HSPA4: variants seen among roughly 807,000 people sequenced by gnomAD.
HSPA4 encodes the protein heat shock protein family A (Hsp70) member 4, also known as heat shock 70 kDa protein 4.
A neutral mutation model predicts 106.2 loss-of-function variants in HSPA4; 25 were observed. The observed-to-expected ratio is 0.24, with a 90% CI of 0.17 to 0.33. HSPA4 has a LOEUF of 0.33. Among genes scored for constraint, HSPA4 ranks in the 10% least tolerant of loss-of-function variants. The probability of loss-of-function intolerance (pLI) is 1.00; values close to 1 mark genes in which losing one functional copy is unlikely to be tolerated. For synonymous variants in HSPA4, 332 were observed against 333.6 expected (o/e 1.00, Z 0.05); for missense variants, 841 against 996.0 (o/e 0.84, Z 2.10).
At chr5:133,102,955 C>G (rs1765807197) in intron 17 of HSPA4, among the ~76,000 whole-genome samples, 1 of 140,826 alleles carries the variant, frequency 7.1e-6, no homozygotes, top group African/African-American at 2.7e-5. Flanking sequence ...CCATGTTACC[C>G]AGGCTGGTCT....
intron 11 of HSPA4, 27 bp downstream of exon 11, chr5:133,089,722 A>AC: frequency 2.3e-5 from 33 of 1,463,158 alleles, no homozygotes; most frequent in Middle Eastern, 1.8e-4. Flanking sequence ...AAATTAAAAA[A>AC]GAAAAAAAAA....
At chr5:133,090,106 ATTCAG>A (rs1765627178) in intron 11 of HSPA4, among the ~76,000 whole-genome samples, 1 of 152,182 alleles carries the variant, frequency 6.6e-6, no homozygotes, top group African/African-American at 2.4e-5. Flanking sequence ...AGTTAACGAA[ATTCAG>A]TTTGGACCCT....
At chr5:133,059,447 CAAA>C (rs539958401) in intron 1 of HSPA4, among the ~76,000 whole-genome samples, 4 of 125,968 alleles carry the variant, frequency 3.2e-5, no homozygotes, top group East Asian at 2.2e-4. Context: ...GACTTTGTCT[CAAA>C]AAAAAAAAAA....
intron 17 of HSPA4, among the ~76,000 whole-genome samples, chr5:133,103,603 G>A (rs112214821): frequency 1.3e-5 from 2 of 151,922 alleles, no homozygotes; most frequent in Non-Finnish European, 2.9e-5. Context: ...TGTATAAATC[G>A]GGTGCTGCTG....
At chr5:133,064,476 T>G (rs1459519823) in intron 1 of HSPA4, among the ~76,000 whole-genome samples, 1 of 151,910 alleles carries the variant, frequency 6.6e-6, no homozygotes, top group African/African-American at 2.4e-5. Context: ...ACTGCAGTCC[T>G]GCCTAGGCAA....
rs1255174247 is a variant in HSPA4 at position 133,104,687 on chromosome 5, T to A, written c.*251T>A. On this transcript the variant is annotated 3_prime_UTR_variant, in exon 19 of 19. Coordinates refer to ENST00000304858, the MANE Select transcript of HSPA4 (RefSeq NM_002154.4). ...CCAGTTAGTCTTACTGAGCTTATGC[T>A]TCACTCCTTTATGTTTAACCATGTG... The A allele has an allele frequency of 4.5e-6, 2 of 443,852 alleles. No homozygotes were observed. The highest frequency in any genetic ancestry group is 4.0e-5 in the African/African-American group (2 of 50,068). 27.5% of individuals were successfully genotyped at this position (443,852 alleles called of 1,614,324 possible).
chr5:133,063,380 A>G (rs994193318), intron 1 of HSPA4, among the ~76,000 whole-genome samples: 25 of 151,970 alleles, frequency 1.6e-4, no homozygotes, highest in African/African-American at 5.1e-4. Flanking sequence ...TGGCCTCCCA[A>G]AACGTTGGGA....
intron 15 of HSPA4, among the ~76,000 whole-genome samples, chr5:133,098,390 C>T (rs1401734356): frequency 1.3e-5 from 2 of 152,284 alleles, no homozygotes; most frequent in East Asian, 3.9e-4. Context: ...TGGCTCACTG[C>T]AGGCTCTGCC....
intron 4 of HSPA4, among the ~76,000 whole-genome samples, chr5:133,072,632 C>T (rs1354693351): frequency 6.7e-6 from 1 of 149,636 alleles, no homozygotes; most frequent in South Asian, 2.1e-4. Context: ...GTCTCAAACT[C>T]GTGACATCAG....
intron 7 of HSPA4, among the ~76,000 whole-genome samples, chr5:133,081,294 C>A (rs757125829): frequency 4.6e-5 from 7 of 152,184 alleles, no homozygotes; most frequent in South Asian, 4.1e-4. Flanking sequence ...GTCATCCACC[C>A]GCCTCTGCCT....
chr5:133,074,175 T>G (rs62375235), intron 6 of HSPA4, 49 bp downstream of exon 6: 290,331 of 1,290,102 alleles, frequency 0.23, 34,099 homozygotes, highest in South Asian at 0.26. Flanking sequence ...ATGGTAATTA[T>G]GAAATTTTGA....
chr5:133,090,459 TG>T (rs1765633309), intron 11 of HSPA4, among the ~76,000 whole-genome samples: 1 of 135,262 alleles, frequency 7.4e-6, no homozygotes, highest in Non-Finnish European at 1.6e-5. Context: ...AAAAAAAGGA[TG>T]TATATAGAAA....
intron 12 of HSPA4, among the ~76,000 whole-genome samples, 180 bp from the exon 13 acceptor site, chr5:133,092,520 C>T (rs1379283831): frequency 2.0e-5 from 3 of 152,146 alleles, no homozygotes; most frequent in South Asian, 2.1e-4. Context: ...GATGTATTAA[C>T]TAAGATCCAG....
rs984672689 is a variant in HSPA4, at chr5:133,091,157, A to G, written c.1379-36A>G. ...TATTCATGCTTGAATTCATCCTCTT[A>G]GGTTATGTGTTCTTTTGTCTCTCGT... On this transcript the variant is annotated intron_variant, in intron 11 of 18. Transcript: ENST00000304858. 3.3e-6 allele frequency: 5 copies of G among 1,510,238 alleles called. No individual in the cohort carries two copies. In the Admixed American group the frequency reaches 6.7e-5, roughly 20 times the overall value. 93.6% of individuals were successfully genotyped at this position (1,510,238 alleles called of 1,614,324 possible).
At chr5:133,089,500 C>A in intron 10 of HSPA4, 62 bp from the exon 11 acceptor site, 4 of 1,477,922 alleles carry the variant, frequency 2.7e-6, no homozygotes, top group Non-Finnish European at 3.7e-6. Context: ...AAACCTAGAA[C>A]ACATGGGTAA....
At chr5:133,074,283 CT>C (rs200933492) in intron 6 of HSPA4, among the ~76,000 whole-genome samples, 157 bp downstream of exon 6, 37,219 of 143,520 alleles carry the variant, frequency 0.26, 4,779 homozygotes, top group African/African-American at 0.3. Flanking sequence ...TTTTTTTTCT[CT>C]TTTTTTTTTT....
intron 13 of HSPA4, among the ~76,000 whole-genome samples, chr5:133,093,678 A>G (rs865828800): frequency 5.1e-4 from 78 of 151,914 alleles, no homozygotes; most frequent in African/African-American, 1.6e-3. Flanking sequence ...TTTAGTAGAG[A>G]CAGGGTTTCT....
intron 1 of HSPA4, among the ~76,000 whole-genome samples, chr5:133,054,859 A>G (rs1480115520): frequency 6.6e-6 from 1 of 152,166 alleles, no homozygotes; most frequent in Non-Finnish European, 1.5e-5. Context: ...GAGTTAATGT[A>G]TTTAGTGTTT....
chr5:133,104,378 C>G lies in HSPA4; in HGVS notation c.2465C>G (p.Thr822Arg). ...GGCCCCCAGGCTGCTGAGCAGGGTA[C>G]AGACACAGCTGTGCCTTCGGATTCA... Reference protein sequence around the residue: ...NPGPQAAEQGTDTAVPSDSDK... With the variant: ...NPGPQAAEQGRDTAVPSDSDK... Residue 822 changes from threonine (T) to arginine (R), a missense_variant, in exon 19 of 19, where the codon ACA becomes AGA. By Grantham distance (71) the Thr-to-Arg change is moderately conservative. Transcript: ENST00000304858. The G allele has an allele frequency of 6.2e-7, 1 of 1,614,170 alleles. No homozygotes were observed. Among genetic ancestry groups the G allele is most frequent in the Non-Finnish European group, 8.5e-7 (1 of 1,180,024 alleles).
Sources: gnomAD v4.1 joint callset for allele counts (sites outside exome capture counted in the v4.1 genomes callset) on GRCh38, gnomAD v4.1.1 for gene constraint, MANE v1.5 for transcripts, NCBI Gene and HGNC (gene_info 2026-07-23, HGNC 2026-07-21) for gene names.